Variants in SMAD2 observed in about 807,000 individuals in gnomAD.
SMAD2 encodes SMAD family member 2.
A neutral mutation model predicts 64.4 loss-of-function variants in SMAD2; 8 were observed. The ratio of observed to expected loss-of-function variants is 0.12; its 90% confidence interval spans 0.07 to 0.22. The LOEUF (loss-of-function observed/expected upper bound fraction) is 0.22. Ranked by LOEUF, SMAD2 falls within the 10% of genes least tolerant of loss-of-function variation. The pLI is 1.00. For synonymous variants in SMAD2, 203 were observed against 195.8 expected (o/e 1.04, Z -0.31); for missense variants, 289 against 561.2 (o/e 0.51, Z 4.90).
intron 2 of SMAD2, among the ~76,000 whole-genome samples, chr18:47,892,721 G>A (rs2033255905): frequency 6.6e-6 from 1 of 152,098 alleles, no homozygotes; most frequent in African/African-American, 2.4e-5. Context: ...GATTCCAATG[G>A]ACTGGTGGAA....
intron 1 of SMAD2, among the ~76,000 whole-genome samples, chr18:47,929,783 A>C (rs2034921882): frequency 6.6e-6 from 1 of 152,200 alleles, no homozygotes; most frequent in Non-Finnish European, 1.5e-5. Flanking sequence ...GTAAGTTGCA[A>C]TTTTAAAAAC....
chr18:47,820,894 TATACACACACACAC>T lies in SMAD2; in HGVS notation c.*20919_*20932del, dbSNP rs1216110183. On this transcript the variant is annotated 3_prime_UTR_variant, in exon 11 of 11. Transcript: ENST00000262160. ...GATAGTGTAAATGCTATACATGCAC[TATACACACACACAC>T]ACACACACACACACACACACACACA... 46 of 103,036 alleles carry T rather than the reference TATACACACACACAC, an allele frequency of 4.5e-4. No individual in the cohort carries two copies. The highest frequency in any genetic ancestry group is 1.9e-3 in the South Asian group (6 of 3,126). 6.4% of individuals were successfully genotyped at this position (103,036 alleles called of 1,614,324 possible).
chr18:47,879,451 T>C (rs571075937), intron 2 of SMAD2, among the ~76,000 whole-genome samples: 90 of 151,848 alleles, frequency 5.9e-4, no homozygotes, highest in South Asian at 3.6e-3. Context: ...GGGTCTTTTT[T>C]GACTCAGCAT....
chr18:47,837,493 C>T lies in SMAD2; in HGVS notation c.*4334G>A, dbSNP rs1354373835. 2.0e-5 allele frequency: 4 copies of T among 198,156 alleles called. No homozygotes were observed. The highest frequency in any genetic ancestry group is 2.1e-4 in the South Asian group (1 of 4,728). 12.3% of individuals were successfully genotyped at this position (198,156 alleles called of 1,614,324 possible). Reference sequence around the variant, plus strand: ...AGAAGCATGGCGTGAACCCGGGAGGCGGAGCTTGCAGTGAACCAAGATCGC... The same window carrying T: ...AGAAGCATGGCGTGAACCCGGGAGGTGGAGCTTGCAGTGAACCAAGATCGC... On this transcript the variant is annotated 3_prime_UTR_variant, in exon 11 of 11. Coordinates refer to ENST00000262160, the MANE Select transcript of SMAD2 (RefSeq NM_005901.6).
At position 47,823,657 on chromosome 18, in the gene SMAD2, G is replaced by A. The variant is rs1912647995; in HGVS notation, c.*18170C>T. ...TAGAGACATTCAAACTGCAAACCAGGACAAAAAGTTGATGATTTCAGGCTG... is the reference window on the plus strand; with the variant it reads ...TAGAGACATTCAAACTGCAAACCAGAACAAAAAGTTGATGATTTCAGGCTG... On this transcript the variant is annotated 3_prime_UTR_variant, in exon 11 of 11. Coordinates refer to ENST00000262160, the MANE Select transcript of SMAD2 (RefSeq NM_005901.6). 6.6e-6 allele frequency: 1 copy of A among 152,102 alleles called. No homozygotes were observed. Among genetic ancestry groups the A allele is most frequent in the Non-Finnish European group, 1.5e-5 (1 of 68,030 alleles). The allele number at this position is 152,102 out of a possible 1,614,324, so 9.4% of individuals were successfully genotyped here.
At chr18:47,916,026 A>C (rs1411915005) in intron 1 of SMAD2, among the ~76,000 whole-genome samples, 1 of 152,232 alleles carries the variant, frequency 6.6e-6, no homozygotes, top group Non-Finnish European at 1.5e-5. Flanking sequence ...CAAAATTATC[A>C]TATGGCCTTT....
In SMAD2 at chr18:47,836,883, A is replaced by C. The variant is rs1913463946; in HGVS notation, c.*4944T>G. The C allele has an allele frequency of 4.7e-6, 1 of 210,652 alleles. No individual in the cohort carries two copies. Among genetic ancestry groups the C allele is most frequent in the Non-Finnish European group, 9.6e-6 (1 of 103,736 alleles). 13.0% of individuals were successfully genotyped at this position (210,652 alleles called of 1,614,324 possible). ...CCTACAAAGTGTAGTCTAAACAAAC[A>C]AAATGGTAATAAAAAATTGAAAAGG... is the stretch of plus-strand genomic sequence containing the variant. On this transcript the variant is annotated 3_prime_UTR_variant, in exon 11 of 11. Coordinates refer to ENST00000262160, the MANE Select transcript of SMAD2 (RefSeq NM_005901.6).
At chr18:47,850,643 TATGTATA>T (rs1915346350) in intron 7 of SMAD2, among the ~76,000 whole-genome samples, 1 of 48,494 alleles carries the variant, frequency 2.1e-5, no homozygotes, top group South Asian at 6.0e-4. Flanking sequence ...TTATATATAT[TATGTATA>T]ATATATATTA....
intron 1 of SMAD2, among the ~76,000 whole-genome samples, chr18:47,907,488 C>T (rs1346164567): frequency 6.6e-6 from 1 of 152,156 alleles, no homozygotes; most frequent in Non-Finnish European, 1.5e-5. Context: ...ATCTCAGAGG[C>T]ACTAAGGAAG....
intron 1 of SMAD2, among the ~76,000 whole-genome samples, chr18:47,909,963 T>C (rs2034059897): frequency 6.6e-6 from 1 of 151,958 alleles, no homozygotes; most frequent in African/African-American, 2.4e-5. Flanking sequence ...AGACCGTCAA[T>C]GTTACAAAAA....
intron 7 of SMAD2, among the ~76,000 whole-genome samples, chr18:47,850,946 A>C (rs1296691358): frequency 7.3e-6 from 1 of 136,528 alleles, no homozygotes; most frequent in Non-Finnish European, 1.5e-5. Flanking sequence ...TGTAATACAC[A>C]TACCTTTTAT....
In SMAD2 at chr18:47,813,799, G is replaced by C. The variant is rs145228555; in HGVS notation, c.*28028C>G. 2.2e-4 allele frequency: 32 copies of C among 146,912 alleles called. No individual in the cohort carries two copies. The highest frequency in any genetic ancestry group is 6.6e-4 in the African/African-American group (26 of 39,508). 9.1% of individuals were successfully genotyped at this position (146,912 alleles called of 1,614,324 possible). ...GGGTCTTGAATAATGGATACATTTG[G>C]AAGTGCAGAGCAAAGGCCAGAGAGA... On this transcript the variant is annotated 3_prime_UTR_variant, in exon 11 of 11. Coordinates refer to ENST00000262160, the MANE Select transcript of SMAD2 (RefSeq NM_005901.6).
intron 2 of SMAD2, among the ~76,000 whole-genome samples, chr18:47,881,229 T>C (rs1308353271): frequency 1.3e-5 from 2 of 152,186 alleles, no homozygotes; most frequent in Non-Finnish European, 2.9e-5. Context: ...GGTAAGAGCA[T>C]ACCTGGCCAT....
chr18:47,874,122 T>C (rs1206509284), intron 2 of SMAD2, among the ~76,000 whole-genome samples: 1 of 152,208 alleles, frequency 6.6e-6, no homozygotes, highest in Non-Finnish European at 1.5e-5. Context: ...TCCCTAATGA[T>C]TGTTGCCTAT....
Position 47,813,206 on chromosome 18 carries a change from G to A in SMAD2, c.*28621C>T, listed in dbSNP as rs1912258561. 6.6e-6 allele frequency: 1 copy of A among 152,014 alleles called. No homozygotes were observed. The allele number at this position is 152,014 out of a possible 1,614,324, so 9.4% of individuals were successfully genotyped here. On this transcript the variant is annotated 3_prime_UTR_variant, in exon 11 of 11. Coordinates refer to ENST00000262160, the MANE Select transcript of SMAD2 (RefSeq NM_005901.6). ...ACTCCAGCCTGAGTGATGAAACTTG[G>A]TCTCAAAAATAACTAAATAACTAAA...
At chr18:47,915,364 T>C (rs2034292552) in intron 1 of SMAD2, among the ~76,000 whole-genome samples, 1 of 152,182 alleles carries the variant, frequency 6.6e-6, no homozygotes, top group Non-Finnish European at 1.5e-5. Context: ...ACATACATAA[T>C]CCTAAATCCT....
intron 6 of SMAD2, among the ~76,000 whole-genome samples, chr18:47,852,924 AAAAATAT>A (rs2030264273): frequency 6.6e-6 from 1 of 152,190 alleles, no homozygotes; most frequent in African/African-American, 2.4e-5. Context: ...TAATCTTATT[AAAAATAT>A]AAAATATATT....
Position 47,819,228 on chromosome 18 carries a change from C to G in SMAD2, c.*22599G>C, listed in dbSNP as rs1912478703. 1 of 152,168 alleles carries G rather than the reference C, an allele frequency of 6.6e-6. No individual in the cohort carries two copies. Among genetic ancestry groups the G allele is most frequent in the African/African-American group, 2.4e-5 (1 of 41,436 alleles). 9.4% of individuals were successfully genotyped at this position (152,168 alleles called of 1,614,324 possible). A position where few individuals can be genotyped will look rare whatever the true frequency, so the allele number is the denominator to read the frequency against. On this transcript the variant is annotated 3_prime_UTR_variant, in exon 11 of 11. Coordinates refer to ENST00000262160, the MANE Select transcript of SMAD2 (RefSeq NM_005901.6). ...AAAATTTTTGCCTGAATTTACTACT[C>G]AGTTTTATATTTGTCTCTGTTAGAC...
chr18:47,890,056 A>G (rs1416181279), intron 2 of SMAD2, among the ~76,000 whole-genome samples: 1 of 152,234 alleles, frequency 6.6e-6, no homozygotes, highest in Non-Finnish European at 1.5e-5. Flanking sequence ...TGCCCCATGC[A>G]AGAATATACC....
Sources: allele counts gnomAD v4.1 joint callset (sites outside exome capture counted in the v4.1 genomes callset), GRCh38; gene constraint gnomAD v4.1.1; transcripts MANE v1.5; gene names NCBI Gene and HGNC (gene_info 2026-07-23, HGNC 2026-07-21).